KIF5A: variants seen among roughly 807,000 people sequenced by gnomAD.
KIF5A encodes kinesin family member 5A, also known as kinesin heavy chain isoform 5A.
A neutral mutation model predicts 141.3 loss-of-function variants in KIF5A; 35 were observed. The observed-to-expected ratio is 0.25, with a 90% CI of 0.19 to 0.33. KIF5A has a LOEUF of 0.33. KIF5A is among the 10% of genes least tolerant of loss of function. The probability of loss-of-function intolerance (pLI) is 1.00; values close to 1 mark genes in which losing one functional copy is unlikely to be tolerated. For synonymous variants in KIF5A, 448 were observed against 500.2 expected (o/e 0.90, Z 1.39); for missense variants, 861 against 1,314.3 (o/e 0.66, Z 5.33).
intron 12 of KIF5A, 133 bp downstream of exon 12, chr12:57,570,295 A>C (rs940285196): frequency 1.3e-6 from 1 of 772,658 alleles, no homozygotes; most frequent in Non-Finnish European, 2.1e-6. Context: ...TGGAAACATC[A>C]ATATAAATGT....
chr12:57,575,128 C>T lies in KIF5A; in HGVS notation c.1761C>T (p.Ala587=), dbSNP rs1882382026. The change falls in exon 16 of 29, where the codon GCC becomes GCT. Residue 587 remains alanine, a synonymous_variant. Transcript: ENST00000455537. ...CCATCGAGGAGGAGTTCACTGTGGC[C>T]CGACTCTACATCAGCAAAATCAAAT... ...SGAIEEEFTV[A]RLYISKIKSE... 1 of 1,614,042 alleles carries T rather than the reference C, an allele frequency of 6.2e-7. No homozygotes were observed.
At chr12:57,565,024 G>A (rs1432333605) in intron 6 of KIF5A, 51 bp downstream of exon 6, 1 of 1,539,574 alleles carries the variant, frequency 6.5e-7, no homozygotes, top group African/African-American at 1.4e-5. Context: ...TGAGAATGTT[G>A]GTGGGGGAGG....
rs1373971092 is a variant in KIF5A, at chr12:57,572,120, A to T, written c.1422A>T (p.Gln474His). Residue 474 changes from glutamine (Q) to histidine (H), a missense_variant, in exon 14 of 29, where the codon CAA (glutamine) becomes CAT (histidine). By Grantham distance (24) the Gln-to-His change is conservative (BLOSUM62 0). Transcript: ENST00000455537. This position sits in a 1 kb window ranked among gnomAD's most constrained non-coding sequence, Gnocchi z 4.2. ...EKVQRELSHL[Q>H]SENDAAKDEV... ...TCCAGCGGGAGCTGAGCCACCTGCA[A>T]TCAGAGAACGATGCCGCTAAGGATG... is the stretch of plus-strand genomic sequence containing the variant. 1 of 1,614,172 alleles carries T rather than the reference A, an allele frequency of 6.2e-7. No homozygotes were observed.
At chr12:57,564,400 C>A in intron 4 of KIF5A, 60 bp from the exon 5 acceptor site, 1 of 1,304,766 alleles carries the variant, frequency 7.7e-7, no homozygotes, top group South Asian at 1.2e-5. Flanking sequence ...GTATGGGATT[C>A]CTGAACTAGA....
intron 1 of KIF5A, among the ~76,000 whole-genome samples, chr12:57,551,157 A>G (rs1467488364): frequency 1.3e-5 from 2 of 152,130 alleles, no homozygotes; most frequent in Non-Finnish European, 2.9e-5. Flanking sequence ...TGAGGATCCA[A>G]TAGAAAGTAG....
At chr12:57,576,175 C>G in intron 18 of KIF5A, 24 bp downstream of exon 18, 1 of 1,612,742 alleles carries the variant, frequency 6.2e-7, no homozygotes, top group Admixed American at 1.7e-5. Context: ...GTGTCAGGGA[C>G]AATTGGGGCC....
chr12:57,565,063 G>A, intron 6 of KIF5A, 90 bp downstream of exon 6: 1 of 1,174,464 alleles, frequency 8.5e-7, no homozygotes. Flanking sequence ...TGAAGTTGGA[G>A]GGTGGATATC....
chr12:57,564,901 G>T lies in KIF5A; in HGVS notation c.446-17G>T. 6.2e-7 allele frequency: 1 copy of T among 1,613,656 alleles called. No homozygotes were observed. Among genetic ancestry groups the T allele is most frequent in the South Asian group, 1.1e-5 (1 of 91,074 alleles). On this transcript the variant is annotated splice_polypyrimidine_tract_variant and intron_variant, in intron 5 of 28. Transcript: ENST00000455537. ...TGGAAGTACTAGTCTTGCTTACCCT[G>T]CATTCTTTTGATTCAGTGACCAAGA...
At chr12:57,556,144 C>CTTT (rs368957966) in intron 1 of KIF5A, among the ~76,000 whole-genome samples, 1 of 144,130 alleles carries the variant, frequency 6.9e-6, no homozygotes, top group Admixed American at 6.9e-5. Flanking sequence ...TCTTGGGTAT[C>CTTT]TTTTTTTTTT....
intron 6 of KIF5A, 66 bp downstream of exon 6, chr12:57,565,039 T>C: frequency 6.9e-7 from 1 of 1,440,824 alleles, no homozygotes; most frequent in Non-Finnish European, 9.8e-7. Context: ...GGGAGGAGCA[T>C]AGGTCAGTGA....
chr12:57,563,736 A>G, intron 3 of KIF5A, 43 bp downstream of exon 3: 1 of 1,548,258 alleles, frequency 6.5e-7, no homozygotes, highest in Non-Finnish European at 8.9e-7. Context: ...AGGAGTGTTA[A>G]TGGAAGATCA....
chr12:57,583,260 T>C, intron 28 of KIF5A, 45 bp downstream of exon 28: 1 of 1,154,668 alleles, frequency 8.7e-7, no homozygotes, highest in Non-Finnish European at 1.3e-6. Flanking sequence ...GTTGCTTCCC[T>C]TCTTGCTGAC....
At chr12:57,578,987 G>A (rs546161759) in intron 23 of KIF5A, among the ~76,000 whole-genome samples, 56 of 152,110 alleles carry the variant, frequency 3.7e-4, no homozygotes, top group Admixed American at 1.0e-3. Flanking sequence ...TTGCTTGAGC[G>A]CAGGAAGTAG....
intron 1 of KIF5A, 101 bp from the exon 2 acceptor site, chr12:57,563,338 A>C (rs1312058293): frequency 3.6e-6 from 3 of 837,200 alleles, no homozygotes; most frequent in Non-Finnish European, 6.1e-6. Context: ...AAGGGCATTG[A>C]AGAAAAGGGT....
chr12:57,567,690 T>C, intron 8 of KIF5A, 72 bp downstream of exon 8: 2 of 1,462,312 alleles, frequency 1.4e-6, no homozygotes, highest in Admixed American at 2.3e-5. Context: ...AGACAGAGTC[T>C]CACTCTGTCG....
intron 6 of KIF5A, among the ~76,000 whole-genome samples, chr12:57,565,621 A>ATTT (rs398019767): frequency 3.1e-5 from 4 of 128,392 alleles, no homozygotes; most frequent in Admixed American, 8.0e-5. Flanking sequence ...ATTTAATCTA[A>ATTT]TTTTTTTTTT....
At chr12:57,568,854 T>A (rs935509204) in intron 8 of KIF5A, 109 bp from the exon 9 acceptor site, 30 of 747,786 alleles carry the variant, frequency 4.0e-5, no homozygotes, top group Non-Finnish European at 6.6e-5. Context: ...TTACTCCATC[T>A]TCTTCCCTGT....
In KIF5A at chr12:57,572,444, T is replaced by C. The variant is rs1016587113; in HGVS notation, c.1570-136T>C. The C allele has an allele frequency of 1.5e-6, 2 of 1,332,890 alleles. No individual in the cohort carries two copies. Among genetic ancestry groups the C allele is most frequent in the African/African-American group, 2.9e-5 (2 of 68,916 alleles). The allele number at this position is 1,332,890 out of a possible 1,614,324, so 82.6% of individuals were successfully genotyped here. On this transcript the variant is annotated intron_variant, in intron 14 of 28. Coordinates refer to ENST00000455537, the MANE Select transcript of KIF5A (RefSeq NM_004984.4). This position sits in a 1 kb window ranked among gnomAD's most constrained non-coding sequence, Gnocchi z 4.2. ...ACTTTCCCCTCACAGTCCCTCTGTC[T>C]TTCAGACTCTTCTGCAGGGCCTGTG...
chr12:57,561,124 C>G (rs761604553), intron 1 of KIF5A, among the ~76,000 whole-genome samples: 1 of 152,176 alleles, frequency 6.6e-6, no homozygotes, highest in Non-Finnish European at 1.5e-5. Flanking sequence ...ACTGCAACCT[C>G]TGCCTTTTGA....
Sources: gnomAD v4.1 joint callset for allele counts (sites outside exome capture counted in the v4.1 genomes callset) on GRCh38, gnomAD v4.1.1 for gene constraint, Gnocchi (gnomAD v3.1) non-coding constraint, MANE v1.5 for transcripts, NCBI Gene and HGNC (gene_info 2026-07-23, HGNC 2026-07-21) for gene names.